Variants in DNAH6 observed in about 807,000 individuals in gnomAD.
DNAH6 encodes the protein axonemal beta dynein heavy chain 6.
In DNAH6, 340 loss-of-function variants were observed where a neutral mutation model predicts 491.4. That is an observed-to-expected ratio of 0.69 (90% CI 0.63 to 0.76). The LOEUF is 0.76. Ranked by LOEUF, DNAH6 falls within the 30% of genes least tolerant of loss-of-function variation. The pLI is 0.00. For missense variants in DNAH6, 4,443 were observed against 4,972.2 expected, an observed-to-expected ratio of 0.89 and a Z score of 3.20; for synonymous variants, 1,603 against 1,686.1, an observed-to-expected ratio of 0.95 and a Z score of 1.21.
chr2:84,533,448 A>G (rs933286482), intron 4 of DNAH6, among the ~76,000 whole-genome samples: 26 of 152,238 alleles, frequency 1.7e-4, no homozygotes, highest in Admixed American at 4.6e-4. Flanking sequence ...CAATATTTTG[A>G]GTAGACAGCG....
chr2:84,695,573 A>G lies in DNAH6; in HGVS notation c.7524+1093A>G, dbSNP rs1021945156. On this transcript the variant is annotated intron_variant, in intron 46 of 76. Coordinates refer to ENST00000389394, the MANE Select transcript of DNAH6 (RefSeq NM_001370.2). ...TCTGAGAGAGTATTAATGTCCAGTG[A>G]GAGAAAGTCATATACATAATATCTG... 2.0e-5 allele frequency among the ~76,000 whole-genome samples: 3 copies of G among 152,116 alleles called. No individual in the cohort carries two copies. In the East Asian group the frequency reaches 5.8e-4, roughly 29 times the overall value.
At chr2:84,639,319 G>A (rs1403614516) in intron 31 of DNAH6, among the ~76,000 whole-genome samples, 1 of 151,912 alleles carries the variant, frequency 6.6e-6, no homozygotes, top group Admixed American at 6.6e-5. Context: ...TGTTGTTATA[G>A]TACTCAGTAA....
chr2:84,582,776 T>TTCCAAGGTCA (rs1214898612), intron 14 of DNAH6, among the ~76,000 whole-genome samples: 2 of 152,190 alleles, frequency 1.3e-5, no homozygotes. Context: ...TTAACAAGCT[T>TTCCAAGGTCA]TCCAAGGTCA....
In DNAH6 at chr2:84,713,134, T is replaced by C; in HGVS notation, c.9418T>C (p.Leu3140=). Residue 3140 remains leucine (L), a synonymous_variant, in exon 57 of 77, where the codon TTG becomes CTG. Transcript: ENST00000389394. The part of the protein sequence containing the change: ...TLDPALEPIL[L]KQIFISGGRL... ...GGATCCAGCTCTAGAACCCATTCTT[T>C]TGAAACAAATTTTTATCAGTGGTGG... 1 of 1,551,758 alleles carries C rather than the reference T, an allele frequency of 6.4e-7. No homozygotes were observed. Among genetic ancestry groups the C allele is most frequent in the Non-Finnish European group, 8.7e-7 (1 of 1,146,998 alleles).
At chr2:84,533,538 G>A (rs1159904965) in intron 4 of DNAH6, among the ~76,000 whole-genome samples, 1 of 152,066 alleles carries the variant, frequency 6.6e-6, no homozygotes, top group East Asian at 1.9e-4. Context: ...TAGTGTATAT[G>A]GCGAATGTAC....
chr2:84,808,591 G>A (rs1245619341), intron 72 of DNAH6, 49 bp downstream of exon 72: 2 of 1,535,304 alleles, frequency 1.3e-6, no homozygotes, highest in Non-Finnish European at 1.8e-6. Flanking sequence ...AAGCTTTGTA[G>A]AGAGTTGTAT....
At chr2:84,497,664 A>G in the DNAH6 span, among the ~76,000 whole-genome samples, 2 of 151,522 alleles carry the variant, frequency 1.3e-5, no homozygotes, top group Non-Finnish European at 2.9e-5. Flanking sequence ...TTAAAACAGT[A>G]AAAACAAGTT....
At chr2:84,477,591 G>A in the DNAH6 span, among the ~76,000 whole-genome samples, 3 of 152,110 alleles carry the variant, frequency 2.0e-5, no homozygotes, top group African/African-American at 4.8e-5. Flanking sequence ...TCCCTAACCC[G>A]AGGATCCTTT....
chr2:84,674,850 C>CCT (rs1170657532), intron 40 of DNAH6, among the ~76,000 whole-genome samples: 10 of 152,256 alleles, frequency 6.6e-5, no homozygotes, highest in African/African-American at 2.4e-4. Flanking sequence ...CATGGAAATG[C>CCT]CTCTCCCTGG....
intron 35 of DNAH6, among the ~76,000 whole-genome samples, chr2:84,657,767 GAC>G (rs1365997749): frequency 6.6e-6 from 1 of 151,894 alleles, no homozygotes; most frequent in East Asian, 1.9e-4. Context: ...TGTAAACAAA[GAC>G]AGTTTTACTT....
chr2:84,634,369 G>C (rs1489099799), intron 29 of DNAH6, 135 bp from the exon 30 acceptor site: 1 of 828,136 alleles, frequency 1.2e-6, no homozygotes, highest in African/African-American at 1.8e-5. Context: ...TTCTGACATA[G>C]ACCAGTATTC....
chr2:84,577,639 G>C (rs1217483834), intron 13 of DNAH6, among the ~76,000 whole-genome samples: 2 of 151,988 alleles, frequency 1.3e-5, no homozygotes, highest in Non-Finnish European at 2.9e-5. Flanking sequence ...CTGGCCTCTT[G>C]CTCCTACTCC....
chr2:84,757,212 G>A (rs1186340282), intron 63 of DNAH6, among the ~76,000 whole-genome samples: 2 of 152,210 alleles, frequency 1.3e-5, no homozygotes, highest in East Asian at 1.9e-4. Flanking sequence ...ATCAGTTCCA[G>A]CCATGTGATA....
At chr2:84,541,721 C>T (rs1279861639) in intron 4 of DNAH6, among the ~76,000 whole-genome samples, 2 of 152,196 alleles carry the variant, frequency 1.3e-5, no homozygotes, top group Admixed American at 1.3e-4. Context: ...GGGGAAAAAA[C>T]ATGGTATGTT....
the DNAH6 span, among the ~76,000 whole-genome samples, chr2:84,496,983 T>A: frequency 6.6e-6 from 1 of 151,376 alleles, no homozygotes; most frequent in African/African-American, 2.4e-5. Context: ...TTTTTTTTTT[T>A]TTTTTTTGAC....
intron 61 of DNAH6, among the ~76,000 whole-genome samples, chr2:84,732,740 A>G (rs1699225553): frequency 6.6e-6 from 1 of 152,236 alleles, no homozygotes; most frequent in Non-Finnish European, 1.5e-5. Context: ...AAATCATTAG[A>G]TTATATACTT....
chr2:84,562,333 G>A (rs1680767536), intron 11 of DNAH6, among the ~76,000 whole-genome samples: 1 of 152,124 alleles, frequency 6.6e-6, no homozygotes, highest in Non-Finnish European at 1.5e-5. Context: ...TATCAGTAAT[G>A]TGATGAATAT....
intron 18 of DNAH6, among the ~76,000 whole-genome samples, chr2:84,599,542 T>C (rs191189766): frequency 2.0e-5 from 3 of 152,332 alleles, no homozygotes; most frequent in Admixed American, 1.3e-4. Context: ...TTTGTACATA[T>C]TATATCCAAT....
chr2:84,797,499 A>C (rs1407678347), intron 69 of DNAH6, 38 bp from the exon 70 acceptor site: 2 of 1,542,012 alleles, frequency 1.3e-6, no homozygotes, highest in African/African-American at 2.8e-5. Context: ...AAGCCAGTCT[A>C]TTTGAGACAT....
Sources: gnomAD v4.1 joint callset for allele counts (sites outside exome capture counted in the v4.1 genomes callset) on GRCh38, gnomAD v4.1.1 for gene constraint, MANE v1.5 for transcripts, NCBI Gene and HGNC (gene_info 2026-07-23, HGNC 2026-07-21) for gene names.